The following ARMC9 variants were observed in gnomAD, a reference collection of about 807,000 sequenced individuals.
ARMC9 encodes armadillo repeat containing 9.
In ARMC9, 94 loss-of-function variants were observed where a neutral mutation model predicts 107.0. That is an observed-to-expected ratio of 0.88 (90% CI 0.74 to 1.04). The LOEUF (loss-of-function observed/expected upper bound fraction) is 1.04, where lower values mean the gene tolerates loss of function less well. ARMC9 is among the 50% of genes least tolerant of loss of function. The pLI is 0.00. For synonymous variants in ARMC9, 380 were observed against 396.9 expected (o/e 0.96, Z 0.51); for missense variants, 942 against 1,030.1 (o/e 0.91, Z 1.17).
At position 231,284,052 on chromosome 2, in the gene ARMC9, T is replaced by C. The variant is rs533193150; in HGVS notation, c.1626+1919T>C. ...ATTTTTAAATTACAGTCATGTCCCA[T>C]GTAACAACATTTTGGTCAACAAAAG... On this transcript the variant is annotated intron_variant, in intron 17 of 24. Coordinates refer to ENST00000611582, the MANE Select transcript of ARMC9 (RefSeq NM_001352754.2). Among the ~76,000 whole-genome samples, 10 of 150,762 alleles carry C rather than the reference T, an allele frequency of 6.6e-5. No homozygotes were observed. The South Asian group carries it at 2.1e-3, about 31-fold the overall frequency.
intron 19 of ARMC9, among the ~76,000 whole-genome samples, chr2:231,314,824 T>C (rs999804391): frequency 1.3e-5 from 2 of 152,244 alleles, no homozygotes; most frequent in African/African-American, 2.4e-5. Context: ...TTTAGTTAAT[T>C]TTTGTGTGTG....
chr2:231,375,661 C>T lies in ARMC9; in HGVS notation c.*4126C>T, dbSNP rs949530657. Reference sequence around the variant, plus strand: ...CCTTTTCGGATGGCATGGTCCAGGCCGGAGCACCAGCCCCAGGTTGAAACA... The same window carrying T: ...CCTTTTCGGATGGCATGGTCCAGGCTGGAGCACCAGCCCCAGGTTGAAACA... On this transcript the variant is annotated 3_prime_UTR_variant, in exon 25 of 25. Coordinates refer to ENST00000611582, the MANE Select transcript of ARMC9 (RefSeq NM_001352754.2). This position sits in a 1 kb window ranked among gnomAD's most constrained non-coding sequence, Gnocchi z 4.3. 6.6e-5 allele frequency among the ~76,000 whole-genome samples: 10 copies of T among 152,146 alleles called. No homozygotes were observed. The highest frequency in any genetic ancestry group is 5.8e-4 in the East Asian group (3 of 5,202).
chr2:231,315,824 T>G (rs1008267440), intron 19 of ARMC9, among the ~76,000 whole-genome samples: 2 of 152,260 alleles, frequency 1.3e-5, no homozygotes, highest in African/African-American at 4.8e-5. Flanking sequence ...CCTTCCTGCC[T>G]TCTTTTGTAT....
At chr2:231,316,160 ATGTGTGTGTGTGTGTG>A (rs141395956) in intron 19 of ARMC9, among the ~76,000 whole-genome samples, 1 of 147,520 alleles carries the variant, frequency 6.8e-6, no homozygotes, top group Non-Finnish European at 1.5e-5. Context: ...GTGTGTATGT[ATGTGTGTGTGTGTGTG>A]TGTGTGTGTG....
chr2:231,280,830 C>G (rs2040161395), intron 16 of ARMC9, among the ~76,000 whole-genome samples: 1 of 152,152 alleles, frequency 6.6e-6, no homozygotes, highest in African/African-American at 2.4e-5. Flanking sequence ...TATGACTAGA[C>G]AGTTCACAGA....
At chr2:231,271,424 C>T (rs2039321468) in intron 13 of ARMC9, among the ~76,000 whole-genome samples, 1 of 152,100 alleles carries the variant, frequency 6.6e-6, no homozygotes, top group Admixed American at 6.5e-5. Context: ...GAAACAATTA[C>T]GGCAAAATAA....
intron 19 of ARMC9, among the ~76,000 whole-genome samples, chr2:231,318,611 G>A (rs939592033): frequency 6.6e-5 from 10 of 152,154 alleles, no homozygotes; most frequent in African/African-American, 2.2e-4. Flanking sequence ...TGCCTACGAT[G>A]GGAACGCCTC....
intron 20 of ARMC9, among the ~76,000 whole-genome samples, chr2:231,333,236 T>G (rs2043859535): frequency 6.6e-6 from 1 of 152,092 alleles, no homozygotes; most frequent in South Asian, 2.1e-4. Flanking sequence ...GCTTTGTAGG[T>G]CATGGCAAGG....
In ARMC9 at chr2:231,219,463, C is replaced by G. The variant is rs150655381; in HGVS notation, c.504+2670C>G. Among the ~76,000 whole-genome samples the G allele has an allele frequency of 1.6e-4, 24 of 152,304 alleles. No homozygotes were observed. The East Asian group carries it at 3.7e-3, about 23-fold the overall frequency. On this transcript the variant is annotated intron_variant, in intron 5 of 24. Coordinates refer to ENST00000611582, the MANE Select transcript of ARMC9 (RefSeq NM_001352754.2). Reference sequence around the variant, plus strand: ...CTCTTACTACATTGAAGATACAAATCCTAGCTAGATTGCATCATTTCCTAG... The same window carrying G: ...CTCTTACTACATTGAAGATACAAATGCTAGCTAGATTGCATCATTTCCTAG...
At chr2:231,228,451 C>T (rs2034878953) in intron 7 of ARMC9, among the ~76,000 whole-genome samples, 1 of 152,210 alleles carries the variant, frequency 6.6e-6, no homozygotes, top group Admixed American at 6.5e-5. Context: ...CAGCAGAGGC[C>T]CTTGACGAGA....
chr2:231,262,624 G>A (rs776288139), intron 12 of ARMC9, among the ~76,000 whole-genome samples: 1 of 152,056 alleles, frequency 6.6e-6, no homozygotes, highest in African/African-American at 2.4e-5. Flanking sequence ...CTTTTCTGCC[G>A]TTTTTCCTTT....
chr2:231,253,467 A>G (rs2037484936), intron 9 of ARMC9, among the ~76,000 whole-genome samples: 2 of 152,086 alleles, frequency 1.3e-5, no homozygotes, highest in Admixed American at 6.6e-5. Flanking sequence ...GGCTGGGTTG[A>G]ACCCAGTAGG....
chr2:231,223,547 CATA>C (rs1477004362), intron 6 of ARMC9, among the ~76,000 whole-genome samples: 1 of 152,166 alleles, frequency 6.6e-6, no homozygotes, highest in Non-Finnish European at 1.5e-5. Flanking sequence ...ATAACAAGAA[CATA>C]ATGTTTTGAA....
rs12465438 is a variant in ARMC9, at chr2:231,208,393, G to A, written c.177+141G>A. On this transcript the variant is annotated intron_variant, in intron 3 of 24. Transcript: ENST00000611582. ...TTAGATGGCACAAGTGTTTATAGAT[G>A]AACTAATAATGTCATTTTAAATCTC... 159,002 of 636,196 alleles carry A rather than the reference G, an allele frequency of 0.25. 21,183 individuals carry two copies. Among genetic ancestry groups the A allele is most frequent in the African/African-American group, 0.33 (17,329 of 52,360 alleles). The allele number at this position is 636,196 out of a possible 1,614,324, so 39.4% of individuals were successfully genotyped here.
At chr2:231,307,578 C>A (rs575469976) in intron 19 of ARMC9, among the ~76,000 whole-genome samples, 30 of 152,318 alleles carry the variant, frequency 2.0e-4, no homozygotes, top group African/African-American at 7.0e-4. Flanking sequence ...CATGAAACCT[C>A]CACAGCCTGG....
At chr2:231,290,651 T>C (rs1423851782) in intron 17 of ARMC9, among the ~76,000 whole-genome samples, 2 of 152,222 alleles carry the variant, frequency 1.3e-5, no homozygotes, top group Non-Finnish European at 2.9e-5. Context: ...TCCCTACTTT[T>C]CCCTGGAATT....
rs1297185611 is a variant in ARMC9, at chr2:231,372,593, C to G, written c.*1058C>G. 6.6e-6 allele frequency: 1 copy of G among 152,344 alleles called. No individual in the cohort carries two copies. Among genetic ancestry groups the G allele is most frequent in the African/African-American group, 2.4e-5 (1 of 41,466 alleles). The allele number at this position is 152,344 out of a possible 1,614,324, so 9.4% of individuals were successfully genotyped here. On this transcript the variant is annotated 3_prime_UTR_variant, in exon 25 of 25. Transcript: ENST00000611582. ...CCTCACCAGGGCTGTCATCAGAATC[C>G]AGTCTTAGGACAGAGGAAGGATGTT...
Position 231,282,085 on chromosome 2 carries a change from G to A in ARMC9, c.1578G>A (p.Leu526=), listed in dbSNP as rs1357733284. The change falls in exon 17 of 25, where the codon CTG becomes CTA. Residue 526 remains leucine, a synonymous_variant. Coordinates refer to ENST00000611582, the MANE Select transcript of ARMC9 (RefSeq NM_001352754.2). ...TACAGCCGTATGTGAATGGAGCTCT[G>A]TACAGCATCCTTTCTGTTCCATCCA... ...HEIQPYVNGA[L]YSILSVPSIR... 6.2e-7 allele frequency: 1 copy of A among 1,614,122 alleles called. No homozygotes were observed. The highest frequency in any genetic ancestry group is 8.5e-7 in the Non-Finnish European group (1 of 1,180,000).
rs1166847201 is a variant in ARMC9 at position 231,215,760 on chromosome 2, A to G, written c.348+759A>G. Among the ~76,000 whole-genome samples, 4 of 152,356 alleles carry G rather than the reference A, an allele frequency of 2.6e-5. No homozygotes were observed. The East Asian group carries it at 5.8e-4, about 22-fold the overall frequency. On this transcript the variant is annotated intron_variant, in intron 4 of 24. Coordinates refer to ENST00000611582, the MANE Select transcript of ARMC9 (RefSeq NM_001352754.2). ...GGTGAACACATGAGAATGTCAGAAC[A>G]CCAACGGTGGGGACAGTGGTGGAGG...
Sources: allele counts gnomAD v4.1 joint callset (sites outside exome capture counted in the v4.1 genomes callset), GRCh38; gene constraint gnomAD v4.1.1; non-coding constraint Gnocchi (gnomAD v3.1); transcripts MANE v1.5; gene names NCBI Gene and HGNC (gene_info 2026-07-23, HGNC 2026-07-21).